RIMKLA: variants seen among roughly 807,000 people sequenced by gnomAD.
RIMKLA encodes ribosomal modification protein rimK like family member A.
In RIMKLA, 14 loss-of-function variants were observed where a neutral mutation model predicts 32.7. The ratio of observed to expected loss-of-function variants is 0.43; its 90% CI spans 0.28 to 0.67. The LOEUF is 0.67. Among genes scored for constraint, RIMKLA ranks in the 30% least tolerant of loss-of-function variants. The pLI, the probability that RIMKLA is intolerant of heterozygous loss-of-function variation, is 0.18. For missense variants in RIMKLA, 410 were observed against 519.0 expected, an observed-to-expected ratio of 0.79 and a Z score of 2.04; for synonymous variants, 176 against 204.1, an observed-to-expected ratio of 0.86 and a Z score of 1.18.
chr1:42,385,795 C>CTT (rs2148382646), intron 1 of RIMKLA, among the ~76,000 whole-genome samples: 2 of 107,936 alleles, frequency 1.9e-5, no homozygotes, highest in East Asian at 4.6e-4. Flanking sequence ...TTGTTTCTTT[C>CTT]TTTCTCTCTC....
At chr1:42,385,891 T>TTTCCTTCTTTCCTTCTTTCCTTCTTTCC (rs1553175563) in intron 1 of RIMKLA, among the ~76,000 whole-genome samples, 1 of 77,066 alleles carries the variant, frequency 1.3e-5, no homozygotes, top group African/African-American at 5.0e-5. Flanking sequence ...TCTTTCTTTC[T>TTTCCTTCTTTCCTTCTTTCCTTCTTTCC]TTCTTTCCTT....
chr1:42,412,979 C>T (rs1643213102), intron 4 of RIMKLA, among the ~76,000 whole-genome samples: 2 of 151,888 alleles, frequency 1.3e-5, no homozygotes, highest in African/African-American at 2.4e-5. Context: ...ACTAAAAATA[C>T]AAAAATTAGC....
chr1:42,419,894 T>A lies in RIMKLA; in HGVS notation c.*4920T>A, dbSNP rs1643280957. 2 of 152,248 alleles carry A rather than the reference T, an allele frequency of 1.3e-5. No individual in the cohort carries two copies. The highest frequency in any genetic ancestry group is 1.3e-4 in the Admixed American group (2 of 15,288). 9.4% of individuals were successfully genotyped at this position (152,248 alleles called of 1,614,324 possible). On this transcript the variant is annotated 3_prime_UTR_variant, in exon 5 of 5. Coordinates refer to ENST00000431473, the MANE Select transcript of RIMKLA (RefSeq NM_173642.4). The stretch of plus-strand genomic sequence containing the variant: ...CGGCTGATGTTCCCTCACTGCAGAA[T>A]GTCCTGGAAACCAAGGGTTTGCAGC...
intron 1 of RIMKLA, among the ~76,000 whole-genome samples, chr1:42,385,815 C>CT (rs1642934665): frequency 1.1e-5 from 1 of 91,914 alleles, no homozygotes; most frequent in Admixed American, 1.1e-4. Flanking sequence ...CTCTTTCCTT[C>CT]CTTCCTTCCT....
rs1457704577 is a variant in RIMKLA, at chr1:42,422,386, AC to A, written c.*7413del. The A allele has an allele frequency of 1.3e-5, 2 of 152,248 alleles. No individual in the cohort carries two copies. The highest frequency in any genetic ancestry group is 4.8e-5 in the African/African-American group (2 of 41,468). The allele number at this position is 152,248 out of a possible 1,614,324, so 9.4% of individuals were successfully genotyped here. On this transcript the variant is annotated 3_prime_UTR_variant, in exon 5 of 5. Transcript: ENST00000431473. ...AGCTAAATTCCCTCCAGGAAAGTGG[AC>A]TGTAGCTTTTCCTGCCTAACTGGCA... is the stretch of plus-strand genomic sequence containing the variant.
chr1:42,393,655 T>C (rs1297073611), intron 1 of RIMKLA, among the ~76,000 whole-genome samples: 1 of 152,158 alleles, frequency 6.6e-6, no homozygotes, highest in African/African-American at 2.4e-5. Flanking sequence ...GAGAAAATGC[T>C]GTGGGTGGAG....
At chr1:42,382,164 A>G (rs997003009) in intron 1 of RIMKLA, among the ~76,000 whole-genome samples, 10 of 152,218 alleles carry the variant, frequency 6.6e-5, no homozygotes, top group African/African-American at 1.9e-4. Context: ...TTTCATCTCC[A>G]AGTTTATCGA....
At position 42,414,933 on chromosome 1, in the gene RIMKLA, A is replaced by G. The variant is rs757097592; in HGVS notation, c.1135A>G (p.Asn379Asp). 1.9e-6 allele frequency: 3 copies of G among 1,613,580 alleles called. No individual in the cohort carries two copies. Among genetic ancestry groups the G allele is most frequent in the Non-Finnish European group, 2.5e-6 (3 of 1,179,790 alleles). ...PPSMLPEPGY[N>D]INNRIASELK... ...CTCCATGCTGCCCGAACCTGGCTACAACATTAACAACAGGATTGCTTCTGA... is the reference window on the plus strand; with the variant it reads ...CTCCATGCTGCCCGAACCTGGCTACGACATTAACAACAGGATTGCTTCTGA... Residue 379 changes from asparagine to aspartate, a missense_variant, in exon 5 of 5, where the codon AAC becomes GAC. Physicochemically the swap from Asn to Asp is conservative, Grantham distance 23. Coordinates refer to ENST00000431473, the MANE Select transcript of RIMKLA (RefSeq NM_173642.4).
rs961559046 is a variant in RIMKLA, at chr1:42,415,084, C to T, written c.*110C>T. ...TCATTTGCACAGAAACTAGAAATCC[C>T]ATCTGGGCACTCAGCATTTTTTCTA... is the stretch of plus-strand genomic sequence containing the variant. On this transcript the variant is annotated 3_prime_UTR_variant, in exon 5 of 5. Transcript: ENST00000431473. 19 of 1,192,480 alleles carry T rather than the reference C, an allele frequency of 1.6e-5. No homozygotes were observed. The African/African-American group carries it at 2.4e-4, about 15-fold the overall frequency. The allele number at this position is 1,192,480 out of a possible 1,614,324, so 73.9% of individuals were successfully genotyped here. A position where few individuals can be genotyped will look rare whatever the true frequency, so the allele number is the denominator to read the frequency against.
chr1:42,402,591 CTTTTTTTTT>C (rs34477169), intron 2 of RIMKLA, among the ~76,000 whole-genome samples: 1 of 142,666 alleles, frequency 7.0e-6, no homozygotes, highest in African/African-American at 2.6e-5. Flanking sequence ...ACCTGGCTAA[CTTTTTTTTT>C]TTTTTTTTGA....
Position 42,399,416 on chromosome 1 carries a change from A to G in RIMKLA, c.176A>G (p.Asn59Ser). Residue 59 changes from asparagine (N) to serine (S), a missense_variant, in exon 2 of 5, where the codon AAC becomes AGC. By Grantham distance (46) the Asn-to-Ser change is conservative. Transcript: ENST00000431473. ...IVGGHLGLQL[N>S]QKALTTFPDV... is the part of the protein sequence containing the mutation. ...CCTTGAATTGCAGGCCTCCAGCTAA[A>G]CCAGAAGGCCCTCACCACTTTCCCG... 6.2e-7 allele frequency: 1 copy of G among 1,609,922 alleles called. No individual in the cohort carries two copies. Among genetic ancestry groups the G allele is most frequent in the Non-Finnish European group, 8.5e-7 (1 of 1,178,072 alleles).
rs759206759 is a variant in RIMKLA at position 42,414,547 on chromosome 1, A to G, written c.749A>G (p.Asn250Ser). 6 of 1,614,194 alleles carry G rather than the reference A, an allele frequency of 3.7e-6. No individual in the cohort carries two copies. The highest frequency in any genetic ancestry group is 1.7e-5 in the Admixed American group (1 of 60,028). The change falls in exon 5 of 5, where the codon AAC (asparagine) becomes AGC (serine). Residue 250 changes from asparagine to serine, a missense_variant. Transcript: ENST00000431473. The part of the protein sequence containing the change: ...QGKQLAIQVS[N>S]ILGMDFCGID... ...AAGCAGTTGGCTATTCAGGTGTCCA[A>G]CATCCTAGGCATGGACTTCTGTGGC...
Position 42,417,498 on chromosome 1 carries a change from C to G in RIMKLA, c.*2524C>G, listed in dbSNP as rs116592722. On this transcript the variant is annotated 3_prime_UTR_variant, in exon 5 of 5. Coordinates refer to ENST00000431473, the MANE Select transcript of RIMKLA (RefSeq NM_173642.4). Reference sequence around the variant, plus strand: ...GGTTCTCCGCTTGAACAGCTGACCTCGTGCAATCACAGGAACTCTGCGTCT... The same window carrying G: ...GGTTCTCCGCTTGAACAGCTGACCTGGTGCAATCACAGGAACTCTGCGTCT... The G allele has an allele frequency of 6.0e-4, 91 of 152,338 alleles. 1 individual carries two copies. Among genetic ancestry groups the G allele is most frequent in the African/African-American group, 2.0e-3 (83 of 41,570 alleles). The allele number at this position is 152,338 out of a possible 1,614,324, so 9.4% of individuals were successfully genotyped here.
chr1:42,410,312 C>T lies in RIMKLA; in HGVS notation c.685+125C>T, dbSNP rs143656760. On this transcript the variant is annotated intron_variant, in intron 4 of 4. Coordinates refer to ENST00000431473, the MANE Select transcript of RIMKLA (RefSeq NM_173642.4). ...GGATCTCACAGATGAGAATGAGGAACAAACTCTTTCCTATGGCAGCAAGCA... is the reference window on the plus strand; with the variant it reads ...GGATCTCACAGATGAGAATGAGGAATAAACTCTTTCCTATGGCAGCAAGCA... The T allele has an allele frequency of 6.9e-5, 53 of 773,594 alleles. No homozygotes were observed. In the East Asian group the frequency reaches 1.4e-3, roughly 20 times the overall value. The allele number at this position is 773,594 out of a possible 1,614,324, so 47.9% of individuals were successfully genotyped here. A position where few individuals can be genotyped will look rare whatever the true frequency, so the allele number is the denominator to read the frequency against.
Position 42,423,775 on chromosome 1 carries a change from C to T in RIMKLA, c.*8801C>T, listed in dbSNP as rs999838112. Among the ~76,000 whole-genome samples the T allele has an allele frequency of 8.5e-5, 13 of 152,190 alleles. No homozygotes were observed. The highest frequency in any genetic ancestry group is 2.9e-4 in the African/African-American group (12 of 41,430). ...CCCACTTGTCTATCACGCTGGTATC[C>T]GCTGCTTTTCCTGCAGCTGCTGCTT... On this transcript the variant is annotated 3_prime_UTR_variant, in exon 5 of 5. Coordinates refer to ENST00000431473, the MANE Select transcript of RIMKLA (RefSeq NM_173642.4).
At chr1:42,409,918 C>A in intron 3 of RIMKLA, 66 bp from the exon 4 acceptor site, 1 of 1,257,054 alleles carries the variant, frequency 8.0e-7, no homozygotes, top group Non-Finnish European at 1.2e-6. Flanking sequence ...GACAAGGAGG[C>A]CAGATGGCAA....
rs1054211218 is a variant in RIMKLA at position 42,424,047 on chromosome 1, C to T, written c.*9073C>T. On this transcript the variant is annotated 3_prime_UTR_variant, in exon 5 of 5. Transcript: ENST00000431473. ...ACTAAAGAGAAGTGGCAGCTGAGCA[C>T]ACTGCCTGCCCAGGGATTTTCTTCT... is the stretch of plus-strand genomic sequence containing the variant. Among the ~76,000 whole-genome samples the T allele has an allele frequency of 1.3e-5, 2 of 152,200 alleles. No individual in the cohort carries two copies. The highest frequency in any genetic ancestry group is 4.8e-5 in the African/African-American group (2 of 41,456).
At position 42,422,326 on chromosome 1, in the gene RIMKLA, T is replaced by C. The variant is rs1182562615; in HGVS notation, c.*7352T>C. On this transcript the variant is annotated 3_prime_UTR_variant, in exon 5 of 5. Transcript: ENST00000431473. ...TTGCTACTAAACTTATTGGAGTGATTTGTAAAGTTCACTGTCACCTGTGGG... is the reference window on the plus strand; with the variant it reads ...TTGCTACTAAACTTATTGGAGTGATCTGTAAAGTTCACTGTCACCTGTGGG... 1.3e-5 allele frequency: 2 copies of C among 152,258 alleles called. No individual in the cohort carries two copies. Among genetic ancestry groups the C allele is most frequent in the Non-Finnish European group, 2.9e-5 (2 of 68,048 alleles). The allele number at this position is 152,258 out of a possible 1,614,324, so 9.4% of individuals were successfully genotyped here.
chr1:42,399,506 G>A lies in RIMKLA; in HGVS notation c.266G>A (p.Arg89Gln), dbSNP rs745357277. 8.1e-6 allele frequency: 13 copies of A among 1,613,324 alleles called. No individual in the cohort carries two copies. In the Middle Eastern group the frequency reaches 8.2e-4, roughly 102 times the overall value. The stretch of plus-strand genomic sequence containing the variant: ...TCAGACAGTGACATCACTGTCCTGC[G>A]ACACCTGGAGAAGCTGGGCTGCCGG... ...VQSDSDITVL[R>Q]HLEKLGCRLV... is the part of the protein sequence containing the mutation. Residue 89 changes from arginine (R) to glutamine (Q), a missense_variant, in exon 2 of 5, where the codon CGA (arginine) becomes CAA (glutamine). Physicochemically the swap from Arg to Gln is conservative, Grantham distance 43. Transcript: ENST00000431473.
Sources: gnomAD v4.1 joint callset for allele counts (sites outside exome capture counted in the v4.1 genomes callset) on GRCh38, gnomAD v4.1.1 for gene constraint, MANE v1.5 for transcripts, NCBI Gene and HGNC (gene_info 2026-07-23, HGNC 2026-07-21) for gene names.